RLIM: variants seen among roughly 807,000 people sequenced by gnomAD.
RLIM encodes ring finger protein, LIM domain interacting, also known as E3 ubiquitin-protein ligase RLIM.
Under a neutral mutation model 34.0 loss-of-function variants are expected in RLIM, and 2 were observed. The observed-to-expected ratio is 0.06, with a 90% CI of 0.02 to 0.19. The LOEUF is 0.19. Among genes scored for constraint, RLIM ranks in the 10% least tolerant of loss-of-function variants. The pLI, the probability that RLIM is intolerant of heterozygous loss-of-function variation, is 1.00. For missense variants in RLIM, 286 were observed against 479.7 expected (o/e 0.60, Z 3.77); for synonymous variants, 169 against 164.0 (o/e 1.03, Z -0.23).
chrX:74,603,044 A>G lies in RLIM; in HGVS notation c.-23-7044T>C, dbSNP rs542383021. ...AAGCAAACTTCCTGTCTCCTGAGATAATCAAGCAGAAGCTGGATATTAAAA... is the reference window on the plus strand; with the variant it reads ...AAGCAAACTTCCTGTCTCCTGAGATGATCAAGCAGAAGCTGGATATTAAAA... On this transcript the variant is annotated intron_variant, in intron 1 of 3. Transcript: ENST00000332687. Among the ~76,000 whole-genome samples, 12 of 109,767 alleles carry G rather than the reference A, an allele frequency of 1.1e-4. No homozygotes were observed. In the South Asian group the frequency reaches 4.8e-3, roughly 44 times the overall value.
intron 3 of RLIM, 116 bp downstream of exon 3, chrX:74,594,190 T>C (rs1204900185): frequency 1.6e-5 from 7 of 448,259 alleles, no homozygotes; most frequent in African/African-American, 2.5e-5. Context: ...TATGAGCAGT[T>C]ACTTAGCACC....
rs1244547980 is a variant in RLIM at position 74,591,534 on chromosome X, A to G, written c.1781T>C (p.Val594Ala). 3 of 1,209,677 alleles carry G rather than the reference A, an allele frequency of 2.5e-6. No individual in the cohort carries two copies. Among genetic ancestry groups the G allele is most frequent in the African/African-American group, 1.7e-5 (1 of 57,322 alleles). ...AGATAACCAGCGATCGATGCAGTGG[A>G]CATGGTACTCATGGGAACAAGGTAG... ...RKLPCSHEYH[V>A]HCIDRWLSEN... The change falls in exon 4 of 4, where the codon GTC becomes GCC. Residue 594 changes from valine to alanine, a missense_variant. Val to Ala is a moderately conservative substitution (Grantham distance 64). Around this residue, in one of 6 missense-constraint regions of RLIM, gnomAD observed 14 missense variants for 63.2 expected, o/e 0.22. Transcript: ENST00000332687.
intron 1 of RLIM, among the ~76,000 whole-genome samples, chrX:74,604,620 T>TC (rs1340034026): frequency 9.0e-6 from 1 of 111,712 alleles, no homozygotes; most frequent in Non-Finnish European, 1.9e-5. Context: ...TCATGAATCT[T>TC]CAAGATTCAT....
At chrX:74,594,879 A>G (rs2079633351) in intron 2 of RLIM, among the ~76,000 whole-genome samples, 1 of 102,230 alleles carries the variant, frequency 9.8e-6, no homozygotes, top group Admixed American at 1.1e-4. Context: ...AGCCTGGGCG[A>G]AAGTGCAAGA....
chrX:74,613,952 A>C (rs1432801031), intron 1 of RLIM, among the ~76,000 whole-genome samples: 2 of 110,437 alleles, frequency 1.8e-5, no homozygotes, highest in Non-Finnish European at 3.8e-5. Flanking sequence ...TAAAGGCCCA[A>C]GAGTTGCCAG....
chrX:74,604,515 A>G (rs1445601475), intron 1 of RLIM, among the ~76,000 whole-genome samples: 1 of 111,347 alleles, frequency 9.0e-6, no homozygotes, highest in African/African-American at 3.3e-5. Flanking sequence ...CAAACCCACT[A>G]TTTGCATCCC....
Position 74,590,155 on chromosome X carries a change from A to G in RLIM, c.*1285T>C, listed in dbSNP as rs575309014. The G allele has an allele frequency of 8.9e-6, 1 of 112,244 alleles. No individual in the cohort carries two copies. The highest frequency in any genetic ancestry group is 3.7e-4 in the South Asian group (1 of 2,725). 9.3% of individuals were successfully genotyped at this position (112,244 alleles called of 1,213,427 possible). A position where few individuals can be genotyped will look rare whatever the true frequency, so the allele number is the denominator to read the frequency against. ...CTTTCCTATTAACACACACATGTGT[A>G]CCAACTGCAATTCATATGCTAAAAG... On this transcript the variant is annotated 3_prime_UTR_variant, in exon 4 of 4. Transcript: ENST00000332687.
chrX:74,613,758 C>T, intron 1 of RLIM, among the ~76,000 whole-genome samples: 1 of 108,763 alleles, frequency 9.2e-6, no homozygotes, highest in Non-Finnish European at 1.9e-5. Flanking sequence ...CACCTAACGG[C>T]TTTTCCCTCT....
chrX:74,600,241 G>C (rs1451052552), intron 1 of RLIM, among the ~76,000 whole-genome samples: 2 of 109,290 alleles, frequency 1.8e-5, no homozygotes, highest in Non-Finnish European at 3.8e-5. Context: ...TTTGACACTA[G>C]AAATCACCAG....
rs781259470 is a variant in RLIM at position 74,589,068 on chromosome X, A to T, written c.*2372T>A. 8.9e-6 allele frequency: 1 copy of T among 111,974 alleles called. No individual in the cohort carries two copies. The highest frequency in any genetic ancestry group is 2.8e-4 in the East Asian group (1 of 3,562). 9.2% of individuals were successfully genotyped at this position (111,974 alleles called of 1,213,427 possible). ...AAAATTCTATTTCCAGTGTTTATGA[A>T]TAGCTTCAATATCTACATTCATAGC... is the stretch of plus-strand genomic sequence containing the variant. On this transcript the variant is annotated 3_prime_UTR_variant, in exon 4 of 4. Transcript: ENST00000332687.
At chrX:74,601,824 T>C (rs2079662743) in intron 1 of RLIM, among the ~76,000 whole-genome samples, 1 of 111,739 alleles carries the variant, frequency 8.9e-6, no homozygotes, top group Non-Finnish European at 1.9e-5. Flanking sequence ...CTTGTTAAAA[T>C]ACAGATTCTG....
chrX:74,598,382 C>T (rs1040418839), intron 1 of RLIM, among the ~76,000 whole-genome samples: 2 of 111,110 alleles, frequency 1.8e-5, no homozygotes, highest in African/African-American at 6.6e-5. Context: ...AATCTCAGCA[C>T]TTTGGGAGGC....
At chrX:74,603,408 C>G in intron 1 of RLIM, among the ~76,000 whole-genome samples, 1 of 111,378 alleles carries the variant, frequency 9.0e-6, no homozygotes, top group African/African-American at 3.3e-5. Context: ...ATTACTATCT[C>G]AGCTAGCAAT....
At chrX:74,610,936 G>C (rs1181179589) in intron 1 of RLIM, among the ~76,000 whole-genome samples, 1 of 110,473 alleles carries the variant, frequency 9.1e-6, no homozygotes, top group Non-Finnish European at 1.9e-5. Flanking sequence ...TACCTCAATT[G>C]ATAAAAAGAG....
At chrX:74,596,791 A>G (rs1220201233) in intron 1 of RLIM, among the ~76,000 whole-genome samples, 1 of 111,217 alleles carries the variant, frequency 9.0e-6, no homozygotes, top group African/African-American at 3.3e-5. Context: ...TGCACTCTTA[A>G]GTTGCAGTGA....
chrX:74,584,926 C>T lies in RLIM; in HGVS notation c.*6514G>A, dbSNP rs1220408023. 8.9e-6 allele frequency among the ~76,000 whole-genome samples: 1 copy of T among 111,756 alleles called. No homozygotes were observed. Among genetic ancestry groups the T allele is most frequent in the African/African-American group, 3.3e-5 (1 of 30,713 alleles). On this transcript the variant is annotated 3_prime_UTR_variant, in exon 4 of 4. Coordinates refer to ENST00000332687, the MANE Select transcript of RLIM (RefSeq NM_016120.4). ...CTACATCAAAACTATCCTGAGAAAC[C>T]GAGTTATGATGCCAATGACAGATAG...
At chrX:74,610,527 A>G (rs1229553986) in intron 1 of RLIM, among the ~76,000 whole-genome samples, 1 of 110,750 alleles carries the variant, frequency 9.0e-6, no homozygotes, top group Non-Finnish European at 1.9e-5. Context: ...GAGCAAAAAT[A>G]CCAACTATAT....
chrX:74,609,829 G>C (rs1199363342), intron 1 of RLIM, among the ~76,000 whole-genome samples: 3 of 111,618 alleles, frequency 2.7e-5, no homozygotes, highest in African/African-American at 9.8e-5. Context: ...AAAAACAAAA[G>C]TTGTAGTTAA....
chrX:74,601,011 T>C (rs2147377496), intron 1 of RLIM, among the ~76,000 whole-genome samples: 1 of 109,081 alleles, frequency 9.2e-6, no homozygotes, highest in Non-Finnish European at 1.9e-5. Flanking sequence ...GTGACAAGAA[T>C]GAAACTCCGT....
Sources: gnomAD v4.1 joint callset for allele counts (sites outside exome capture counted in the v4.1 genomes callset) on GRCh38, gnomAD v4.1.1 for gene constraint, gnomAD v4.1.1 regional missense constraint, MANE v1.5 for transcripts, NCBI Gene and HGNC (gene_info 2026-07-23, HGNC 2026-07-21) for gene names.